The following NNMT variants were observed in gnomAD, a reference collection of about 807,000 sequenced individuals.
The protein encoded by NNMT is nicotinamide N-methyltransferase.
NNMT carries 10 observed loss-of-function variants against 11.7 expected under a neutral mutation model. The observed-to-expected ratio is 0.85, with a 90% CI of 0.53 to 1.45. The LOEUF is 1.45. Among genes scored for constraint, NNMT ranks in the 40% most tolerant of loss-of-function variants. The pLI is 0.00. For missense variants in NNMT, 381 were observed against 319.4 expected (o/e 1.19, Z -1.47); for synonymous variants, 143 against 133.8 (o/e 1.07, Z -0.48).
chr11:114,287,032 G>T (rs1161905323), intron 2 of NNMT, among the ~76,000 whole-genome samples: 1 of 152,082 alleles, frequency 6.6e-6, no homozygotes, highest in African/African-American at 2.4e-5. Context: ...AGGTTTATTG[G>T]TCACTTGGAT....
upstream of NNMT, among the ~76,000 whole-genome samples, chr11:114,295,183 A>G (rs1301775089): frequency 2.0e-5 from 3 of 152,186 alleles, no homozygotes; most frequent in Admixed American, 6.5e-5. Flanking sequence ...CTGTAAATCA[A>G]TTATTCAGCA....
At chr11:114,304,036 T>C (rs1046116205) in intron 2 of NNMT, among the ~76,000 whole-genome samples, 3 of 152,134 alleles carry the variant, frequency 2.0e-5, no homozygotes, top group Non-Finnish European at 2.9e-5. Context: ...TTCATACACC[T>C]TTTTTTTCTG....
In NNMT at chr11:114,312,127, C is replaced by T; in HGVS notation, c.445C>T (p.Leu149=). Residue 149 remains leucine (L), a synonymous_variant, in exon 3 of 3, where the codon CTG becomes TTG. Transcript: ENST00000299964. Reference sequence around the variant, plus strand: ...GTGTGATGTGACTCAGAGCCAGCCACTGGGGGCCGTCCCCTTACCCCCGGC... The same window carrying T: ...GTGTGATGTGACTCAGAGCCAGCCATTGGGGGCCGTCCCCTTACCCCCGGC... ...LKCDVTQSQP[L]GAVPLPPADC... 1 of 1,613,764 alleles carries T rather than the reference C, an allele frequency of 6.2e-7. No individual in the cohort carries two copies. Among genetic ancestry groups the T allele is most frequent in the East Asian group, 2.2e-5 (1 of 44,870 alleles).
At chr11:114,293,213 T>C (rs945914080), upstream of NNMT, among the ~76,000 whole-genome samples, 5 of 152,214 alleles carry the variant, frequency 3.3e-5, no homozygotes, top group Non-Finnish European at 7.3e-5. Context: ...GACACCCTGC[T>C]TCCATTCTAC....
Position 114,312,716 on chromosome 11 carries a change from C to T in NNMT, c.*239C>T. 1 of 501,356 alleles carries T rather than the reference C, an allele frequency of 2.0e-6. No individual in the cohort carries two copies. Among genetic ancestry groups the T allele is most frequent in the South Asian group, 3.8e-5 (1 of 26,212 alleles). 31.1% of individuals were successfully genotyped at this position (501,356 alleles called of 1,614,324 possible). On this transcript the variant is annotated 3_prime_UTR_variant, in exon 3 of 3. Coordinates refer to ENST00000299964, the MANE Select transcript of NNMT (RefSeq NM_006169.3). ...GCAATTAGTATTCCAGTCTTCATTG[C>T]CTGTGCTTACAAAAGAAGACCTCAC... is the stretch of plus-strand genomic sequence containing the variant.
At chr11:114,259,861 A>G (rs1044172707) in intron 1 of NNMT, among the ~76,000 whole-genome samples, 1 of 152,050 alleles carries the variant, frequency 6.6e-6, no homozygotes, top group Non-Finnish European at 1.5e-5. Flanking sequence ...GCCGCTCCCA[A>G]CTGTACACCG....
intron 2 of NNMT, among the ~76,000 whole-genome samples, chr11:114,304,434 A>C (rs984386161): frequency 6.6e-6 from 1 of 152,188 alleles, no homozygotes; most frequent in Admixed American, 6.5e-5. Context: ...TGGACATTGC[A>C]TTTTTGGCAG....
intron 2 of NNMT, among the ~76,000 whole-genome samples, chr11:114,268,965 A>G (rs2135246021): frequency 6.6e-6 from 1 of 152,222 alleles, no homozygotes; most frequent in South Asian, 2.1e-4. Flanking sequence ...CAGAAGAAAA[A>G]TTTCTGTTCT....
At chr11:114,286,750 C>T (rs1945303626) in intron 2 of NNMT, among the ~76,000 whole-genome samples, 1 of 152,146 alleles carries the variant, frequency 6.6e-6, no homozygotes. Flanking sequence ...TAAGAACATT[C>T]ATGTTTATGT....
chr11:114,305,762 G>A (rs1489043566), intron 2 of NNMT, among the ~76,000 whole-genome samples: 1 of 151,850 alleles, frequency 6.6e-6, no homozygotes, highest in African/African-American at 2.4e-5. Flanking sequence ...TGGACATTTG[G>A]GTTGGTTCCA....
intron 2 of NNMT, among the ~76,000 whole-genome samples, chr11:114,281,880 A>G (rs1429246232): frequency 2.0e-5 from 3 of 152,110 alleles, no homozygotes; most frequent in Non-Finnish European, 4.4e-5. Flanking sequence ...TCTCTGGGGG[A>G]ATGTCTTCTT....
rs946535737 is a variant in NNMT at position 114,312,328 on chromosome 11, CT to C, written c.647del (p.Leu216ArgfsTer6). The C allele has an allele frequency of 6.2e-6, 10 of 1,614,118 alleles. No individual in the cohort carries two copies. Among genetic ancestry groups the C allele is most frequent in the Non-Finnish European group, 7.6e-6 (9 of 1,180,040 alleles). Reference protein sequence around the residue: ...IGEQKFSSLPLGREAVEAAVK... With the variant: ...IGEQKFSSLPXGREAVEAAVK... ...TGAGCAGAAGTTCTCCAGCCTCCCC[CT>C]GGGCCGGGAGGCAGTAGAGGCTGCT... On this transcript the variant is annotated frameshift_variant, in exon 3 of 3. Coordinates refer to ENST00000299964, the MANE Select transcript of NNMT (RefSeq NM_006169.3). LOFTEE classifies it low-confidence loss of function (END_TRUNC).
At chr11:114,295,526 G>A (rs1945367819), upstream of NNMT, among the ~76,000 whole-genome samples, 1 of 141,838 alleles carries the variant, frequency 7.1e-6, no homozygotes. Flanking sequence ...CCGGGTTCAT[G>A]CCATTCTCCT....
intron 2 of NNMT, among the ~76,000 whole-genome samples, chr11:114,311,085 T>C (rs1565729632): frequency 6.6e-6 from 1 of 152,204 alleles, no homozygotes; most frequent in Non-Finnish European, 1.5e-5. Flanking sequence ...TTCCAGCAGT[T>C]TGAGAGGCTG....
intron 2 of NNMT, chr11:114,269,473 A>G (rs1449367726): frequency 6.6e-6 from 1 of 152,218 alleles, no homozygotes; most frequent in African/African-American, 2.4e-5. Context: ...TCTTGTCCGA[A>G]TCTCAAACAC....
At chr11:114,305,009 C>T (rs1945476063) in intron 2 of NNMT, among the ~76,000 whole-genome samples, 1 of 152,228 alleles carries the variant, frequency 6.6e-6, no homozygotes, top group African/African-American at 2.4e-5. Context: ...CCTATGGTTC[C>T]TGGAACTTGG....
chr11:114,288,671 T>C (rs1945315262), intron 2 of NNMT, among the ~76,000 whole-genome samples: 1 of 152,204 alleles, frequency 6.6e-6, no homozygotes, highest in African/African-American at 2.4e-5. Flanking sequence ...GGCAATTTAC[T>C]TTACATTTTT....
At chr11:114,308,180 G>A (rs374662302) in intron 2 of NNMT, among the ~76,000 whole-genome samples, 3 of 152,086 alleles carry the variant, frequency 2.0e-5, no homozygotes, top group East Asian at 1.9e-4. Context: ...CACCTGATTC[G>A]GGTGTGGGGT....
intron 2 of NNMT, among the ~76,000 whole-genome samples, chr11:114,267,810 T>C (rs1233107657): frequency 5.3e-5 from 8 of 152,248 alleles, no homozygotes; most frequent in Non-Finnish European, 5.9e-5. Context: ...ATTTTTCTCA[T>C]TTAACCTCAG....
Sources: gnomAD v4.1 joint callset for allele counts (sites outside exome capture counted in the v4.1 genomes callset) on GRCh38, gnomAD v4.1.1 for gene constraint, MANE v1.5 for transcripts, NCBI Gene and HGNC (gene_info 2026-07-23, HGNC 2026-07-21) for gene names.